Variants in NSUN2 observed in about 807,000 individuals in gnomAD.
NSUN2 encodes NOP2/Sun RNA methyltransferase 2.
In NSUN2, 63 loss-of-function variants were observed where a neutral mutation model predicts 92.7. The ratio of observed to expected loss-of-function variants is 0.68; its 90% confidence interval spans 0.56 to 0.84. The LOEUF (loss-of-function observed/expected upper bound fraction) is 0.84, where lower values mean the gene tolerates loss of function less well. Ranked by LOEUF, NSUN2 falls within the 40% of genes least tolerant of loss-of-function variation. The probability of loss-of-function intolerance (pLI) is 0.00; values close to 1 mark genes in which losing one functional copy is unlikely to be tolerated. For synonymous variants in NSUN2, 356 were observed against 348.3 expected, an observed-to-expected ratio of 1.02 and a Z score of -0.25; for missense variants, 989 against 964.9, an observed-to-expected ratio of 1.02 and a Z score of -0.33.
rs1265947283 is a variant in NSUN2, at chr5:6,604,155, C to A, written c.1940G>T (p.Ser647Ile). 6.2e-7 allele frequency: 1 copy of A among 1,613,764 alleles called. No individual in the cohort carries two copies. Among genetic ancestry groups the A allele is most frequent in the African/African-American group, 1.3e-5 (1 of 74,928 alleles). The change falls in exon 17 of 19, where the codon AGT becomes ATT. Residue 647 changes from serine to isoleucine, a missense_variant. Physicochemically the swap from Ser to Ile is moderately radical, Grantham distance 142. Transcript: ENST00000264670. ...FFRKLSSETY[S>I]QAKDLAKGSI... ...CTACTCACCCAGGTCCTTTGCTTGA[C>A]TGTAGGTCTCACTGCTGAGTTTTCT...
At chr5:6,616,575 T>C (rs1290729003) in intron 9 of NSUN2, 152 bp downstream of exon 9, 1 of 151,704 alleles carries the variant, frequency 6.6e-6, no homozygotes, top group Non-Finnish European at 1.2e-5. Flanking sequence ...AGATGGATGG[T>C]GGTGGTGATT....
intron 3 of NSUN2, among the ~76,000 whole-genome samples, chr5:6,629,360 C>G (rs1737776224): frequency 6.6e-6 from 1 of 152,188 alleles, no homozygotes; most frequent in South Asian, 2.1e-4. Flanking sequence ...TAATAAAAAA[C>G]TAGCAAGCCT....
At chr5:6,632,451 G>T in intron 2 of NSUN2, 148 bp downstream of exon 2, 1 of 867,418 alleles carries the variant, frequency 1.2e-6, no homozygotes, top group Non-Finnish European at 1.8e-6. Context: ...ATTGGACCCT[G>T]TGCTCCCCAC....
At chr5:6,602,151 C>CT (rs1436923085) in intron 18 of NSUN2, among the ~76,000 whole-genome samples, 4 of 152,160 alleles carry the variant, frequency 2.6e-5, no homozygotes, top group African/African-American at 9.7e-5. Flanking sequence ...ACTGTCCAAT[C>CT]TTCACACTTA....
intron 3 of NSUN2, 126 bp downstream of exon 3, chr5:6,631,747 A>G: frequency 1.4e-6 from 1 of 703,138 alleles, no homozygotes; most frequent in Non-Finnish European, 2.5e-6. Context: ...AGGTACTAGA[A>G]CATTAGGATG....
In NSUN2 at chr5:6,620,232, C is replaced by T; in HGVS notation, c.689G>A (p.Arg230Lys). 6.2e-7 allele frequency: 1 copy of T among 1,612,536 alleles called. No individual in the cohort carries two copies. The highest frequency in any genetic ancestry group is 8.5e-7 in the Non-Finnish European group (1 of 1,179,432). ...RCYLLVHQAK[R>K]LSSPCIMVVN... The stretch of plus-strand genomic sequence containing the variant: ...CACCATGATGCAGGGGCTGCTCAGC[C>T]TCTTGGCTTGATGGACGAGCAGGTA... Residue 230 changes from arginine (R) to lysine (K), a missense_variant, in exon 7 of 19, where the codon AGG becomes AAG. Around this residue, in one of 3 missense-constraint regions of NSUN2, gnomAD observed 356 missense variants for 338.6 expected, o/e 1.05. Transcript: ENST00000264670.
At position 6,600,065 on chromosome 5, in the gene NSUN2, G is replaced by A. The variant is rs760562659; in HGVS notation, c.2165C>T (p.Ala722Val). Residue 722 changes from alanine to valine, a missense_variant, in exon 19 of 19, where the codon GCA becomes GTA. By Grantham distance (64) the Ala-to-Val change is moderately conservative. Around this residue, in one of 3 missense-constraint regions of NSUN2, gnomAD observed 626 missense variants for 602.3 expected, o/e 1.04. Transcript: ENST00000264670. ...ATTGTCTGGCTGTCCGGTGCTGGCT[G>A]CACTCTCATTTGTGAGGATAACCCC... ...KEGVILTNESAASTGQPDNDV... is the reference protein window; with the variant it reads ...KEGVILTNESVASTGQPDNDV... 7 of 1,614,252 alleles carry A rather than the reference G, an allele frequency of 4.3e-6. No individual in the cohort carries two copies. Among genetic ancestry groups the A allele is most frequent in the Non-Finnish European group, 5.1e-6 (6 of 1,180,050 alleles).
At chr5:6,611,225 GACAAA>G in intron 10 of NSUN2, 140 bp from the exon 11 acceptor site, 4 of 922,382 alleles carry the variant, frequency 4.3e-6, no homozygotes, top group Non-Finnish European at 4.7e-6. Context: ...TATTTGCCAA[GACAAA>G]ACAAAACAAT....
intron 8 of NSUN2, 75 bp from the exon 9 acceptor site, chr5:6,616,932 T>A: frequency 7.7e-7 from 1 of 1,304,712 alleles, no homozygotes; most frequent in Non-Finnish European, 1.0e-6. Context: ...CCTCCTTATG[T>A]CACATATTCA....
chr5:6,632,174 C>T (rs753561806), intron 2 of NSUN2, among the ~76,000 whole-genome samples, 197 bp from the exon 3 acceptor site: 26 of 151,380 alleles, frequency 1.7e-4, no homozygotes, highest in Non-Finnish European at 2.8e-4. Context: ...CTAAGAGCAA[C>T]ACTGCATTCC....
At chr5:6,602,339 G>T in intron 18 of NSUN2, 122 bp downstream of exon 18, 2 of 940,134 alleles carry the variant, frequency 2.1e-6, no homozygotes, top group South Asian at 1.4e-5. Flanking sequence ...CTACTTCTGA[G>T]GAACAATCAC....
Position 6,599,775 on chromosome 5 carries a change from AG to A in NSUN2, c.*150del, listed in dbSNP as rs1736465066. On this transcript the variant is annotated 3_prime_UTR_variant, in exon 19 of 19. Transcript: ENST00000264670. The stretch of plus-strand genomic sequence containing the variant: ...CCAAAGAAAGCAGTCCTGGTCATTC[AG>A]AAGGCTCCTATGATCCCACCAGTCT... 1.5e-6 allele frequency: 1 copy of A among 688,506 alleles called. No homozygotes were observed. Among genetic ancestry groups the A allele is most frequent in the Admixed American group, 2.4e-5 (1 of 42,424 alleles). The allele number at this position is 688,506 out of a possible 1,614,324, so 42.6% of individuals were successfully genotyped here. A position where few individuals can be genotyped will look rare whatever the true frequency, so the allele number is the denominator to read the frequency against.
rs1737993191 is a variant in NSUN2 at position 6,632,868 on chromosome 5, G to A, written c.96+16C>T. Reference sequence around the variant, plus strand: ...AGGAGGAGCCCCTGGCCCGCCCGCCGGGTCCCGGCTCCTACCGCCTCGCCG... The same window carrying A: ...AGGAGGAGCCCCTGGCCCGCCCGCCAGGTCCCGGCTCCTACCGCCTCGCCG... On this transcript the variant is annotated intron_variant, in intron 1 of 18. Coordinates refer to ENST00000264670, the MANE Select transcript of NSUN2 (RefSeq NM_017755.6). 11 of 1,536,286 alleles carry A rather than the reference G, an allele frequency of 7.2e-6. No homozygotes were observed. The highest frequency in any genetic ancestry group is 1.4e-5 in the African/African-American group (1 of 72,378).
chr5:6,621,789 A>G, intron 6 of NSUN2: 1 of 460,468 alleles, frequency 2.2e-6, no homozygotes, highest in South Asian at 3.7e-5. Context: ...TATAGAAAAC[A>G]CACATAATTC....
chr5:6,604,275 C>T lies in NSUN2; in HGVS notation c.1820G>A (p.Gly607Glu). The change falls in exon 17 of 19, where the codon GGA becomes GAA. Residue 607 changes from glycine (G) to glutamate (E), a missense_variant and splice_region_variant. By Grantham distance (98) the Gly-to-Glu change is moderately conservative (BLOSUM62 -2). Coordinates refer to ENST00000264670, the MANE Select transcript of NSUN2 (RefSeq NM_017755.6). ...FDCAFRLAQE[G>E]IYTLYPFINS... ...AATAAATGGATACAATGTATATATT[C>T]CCTGTGTGAATAAAGAGAATGAGAG... 3 of 1,588,430 alleles carry T rather than the reference C, an allele frequency of 1.9e-6. No homozygotes were observed. Among genetic ancestry groups the T allele is most frequent in the Non-Finnish European group, 2.6e-6 (3 of 1,159,912 alleles).
Position 6,610,946 on chromosome 5 carries a change from C to A in NSUN2, c.1226+9G>T, listed in dbSNP as rs964845101. ...CCCCTCCCCACACCTGGAGGCCCCA[C>A]CAGCTCACCATCGCTCCAGGTGCAT... On this transcript the variant is annotated intron_variant, in intron 11 of 18. Transcript: ENST00000264670. 1.2e-6 allele frequency: 2 copies of A among 1,613,802 alleles called. No individual in the cohort carries two copies. The highest frequency in any genetic ancestry group is 1.7e-6 in the Non-Finnish European group (2 of 1,179,932).
At chr5:6,630,373 T>C (rs1011317006) in intron 3 of NSUN2, among the ~76,000 whole-genome samples, 1 of 152,226 alleles carries the variant, frequency 6.6e-6, no homozygotes, top group African/African-American at 2.4e-5. Context: ...TGGCATGATC[T>C]TGGCTTACTG....
chr5:6,611,732 T>C lies in NSUN2; in HGVS notation c.1088A>G (p.Gln363Arg), dbSNP rs761309042. 6.2e-7 allele frequency: 1 copy of C among 1,613,978 alleles called. No individual in the cohort carries two copies. ...PGLKWMPGIT[Q>R]WKVMTKDGQW... ...TTCTCGAGGAAAGGTTACCTTCCAC[T>C]GTGTGATTCCAGGCATCCACTTCAG... The change falls in exon 10 of 19, where the codon CAG becomes CGG. Residue 363 changes from glutamine to arginine, a missense_variant. Around this residue, in one of 3 missense-constraint regions of NSUN2, gnomAD observed 626 missense variants for 602.3 expected, o/e 1.04. Coordinates refer to ENST00000264670, the MANE Select transcript of NSUN2 (RefSeq NM_017755.6).
Position 6,607,398 on chromosome 5 carries a change from C to A in NSUN2, c.1324-14G>T, listed in dbSNP as rs757116176. The A allele has an allele frequency of 1.9e-6, 3 of 1,597,454 alleles. No individual in the cohort carries two copies. Among genetic ancestry groups the A allele is most frequent in the Non-Finnish European group, 2.6e-6 (3 of 1,169,262 alleles). On this transcript the variant is annotated splice_polypyrimidine_tract_variant and intron_variant, in intron 12 of 18. Transcript: ENST00000264670. ...TTTACCCTGAAGCTGTCATAAAGAA[C>A]AATTTCATTGACACACAAAGAGGAG... is the stretch of plus-strand genomic sequence containing the variant.
Sources: gnomAD v4.1 joint callset for allele counts (sites outside exome capture counted in the v4.1 genomes callset) on GRCh38, gnomAD v4.1.1 for gene constraint, gnomAD v4.1.1 regional missense constraint, MANE v1.5 for transcripts, NCBI Gene and HGNC (gene_info 2026-07-23, HGNC 2026-07-21) for gene names.